TSHZ2: variants seen among roughly 807,000 people sequenced by gnomAD.
TSHZ2 encodes teashirt homolog 2.
In TSHZ2, 21 loss-of-function variants were observed where a neutral mutation model predicts 74.4. The ratio of observed to expected loss-of-function variants is 0.28; its 90% CI spans 0.20 to 0.41. TSHZ2 has a LOEUF of 0.41. TSHZ2 is among the 10% of genes least tolerant of loss of function. The probability of loss-of-function intolerance (pLI) is 1.00; values close to 1 mark genes in which losing one functional copy is unlikely to be tolerated. For missense variants in TSHZ2, 1,244 were observed against 1,293.5 expected (o/e 0.96, Z 0.59); for synonymous variants, 540 against 515.3 (o/e 1.05, Z -0.65).
At chr20:53,431,105 T>G (rs747333367) in intron 2 of TSHZ2, among the ~76,000 whole-genome samples, 20 of 152,234 alleles carry the variant, frequency 1.3e-4, no homozygotes, top group Non-Finnish European at 2.9e-4. Flanking sequence ...GAACATGAGA[T>G]GGACTTGTCC....
At chr20:53,363,580 G>A (rs1169726876) in intron 2 of TSHZ2, among the ~76,000 whole-genome samples, 1 of 152,222 alleles carries the variant, frequency 6.6e-6, no homozygotes, top group Admixed American at 6.5e-5. Context: ...GGGATGCAGA[G>A]GAGATTCATC....
intron 2 of TSHZ2, among the ~76,000 whole-genome samples, chr20:53,271,830 G>A (rs1182980855): frequency 6.6e-6 from 1 of 152,228 alleles, no homozygotes; most frequent in Non-Finnish European, 1.5e-5. Flanking sequence ...AGATGGCAGA[G>A]AGAGGAGGCT....
chr20:53,162,289 G>A (rs1293403), intron 1 of TSHZ2, among the ~76,000 whole-genome samples: 61,890 of 152,012 alleles, frequency 0.41, 13,825 homozygotes, highest in African/African-American at 0.6. Context: ...AATTTGGCCC[G>A]GCCAGGGATG....
chr20:53,117,444 T>G (rs1986700545), intron 1 of TSHZ2, among the ~76,000 whole-genome samples: 1 of 152,216 alleles, frequency 6.6e-6, no homozygotes, highest in Non-Finnish European at 1.5e-5. Flanking sequence ...CAAAAGTACC[T>G]GCCCTTCAGG....
intron 2 of TSHZ2, among the ~76,000 whole-genome samples, chr20:53,470,541 C>T (rs1018248573): frequency 6.6e-5 from 10 of 152,100 alleles, no homozygotes; most frequent in African/African-American, 1.9e-4. Context: ...CTTGGCCGGG[C>T]GCGGTGGCTC....
intron 2 of TSHZ2, among the ~76,000 whole-genome samples, chr20:53,395,830 G>A (rs1182875093): frequency 1.3e-5 from 2 of 152,208 alleles, no homozygotes; most frequent in African/African-American, 4.8e-5. Flanking sequence ...TCAACCTATG[G>A]AATGTTAAAA....
chr20:53,306,811 C>T (rs1978564898), intron 2 of TSHZ2, among the ~76,000 whole-genome samples: 1 of 152,104 alleles, frequency 6.6e-6, no homozygotes, highest in Non-Finnish European at 1.5e-5. Context: ...GTGTGCCAGG[C>T]ACCTCATGAA....
chr20:53,070,869 G>C (rs1433009074), intron 1 of TSHZ2, among the ~76,000 whole-genome samples: 3 of 152,204 alleles, frequency 2.0e-5, no homozygotes, highest in African/African-American at 4.8e-5. Context: ...TCAAGTCACT[G>C]ACTGGAAGAA....
intron 1 of TSHZ2, among the ~76,000 whole-genome samples, chr20:53,092,412 C>T (rs1339188719): frequency 6.6e-6 from 1 of 152,156 alleles, no homozygotes; most frequent in Non-Finnish European, 1.5e-5. Flanking sequence ...TCTCATATTA[C>T]CCGTTGACTG....
rs6126768 is a variant in TSHZ2 at position 53,152,688 on chromosome 20, T to C, written c.41-100811T>C. 6.2e-3 allele frequency among the ~76,000 whole-genome samples: 938 copies of C among 152,318 alleles called. 9 individuals are homozygous for C. Among genetic ancestry groups the C allele is most frequent in the East Asian group, 0.054 (281 of 5,180 alleles). ...TCTGGCCCTCCAACACCTAGAAAGATTTAATGAGTTGATTGACCAATATCA... is the reference window on the plus strand; with the variant it reads ...TCTGGCCCTCCAACACCTAGAAAGACTTAATGAGTTGATTGACCAATATCA... On this transcript the variant is annotated intron_variant, in intron 1 of 2. Transcript: ENST00000371497.
intron 2 of TSHZ2, among the ~76,000 whole-genome samples, chr20:53,330,888 A>T (rs1484956672): frequency 6.6e-6 from 1 of 152,174 alleles, no homozygotes; most frequent in Non-Finnish European, 1.5e-5. Flanking sequence ...ATCCTTCCCC[A>T]CAAGAGCCTG....
intron 1 of TSHZ2, among the ~76,000 whole-genome samples, chr20:53,249,736 TGA>T (rs1424477571): frequency 6.6e-6 from 1 of 152,110 alleles, no homozygotes; most frequent in Non-Finnish European, 1.5e-5. Context: ...CCGTGGGTGA[TGA>T]GAGAGGGGCA....
chr20:53,220,073 A>C (rs1261393857), intron 1 of TSHZ2, among the ~76,000 whole-genome samples: 2 of 152,192 alleles, frequency 1.3e-5, no homozygotes, highest in East Asian at 1.9e-4. Context: ...TTTCCTCTGA[A>C]ATGAAGAACA....
chr20:53,167,812 G>A (rs182501571), intron 1 of TSHZ2, among the ~76,000 whole-genome samples: 16 of 152,242 alleles, frequency 1.1e-4, no homozygotes, highest in African/African-American at 1.9e-4. Flanking sequence ...TACGTCCCCC[G>A]TAGAGTCATG....
intron 1 of TSHZ2, among the ~76,000 whole-genome samples, chr20:53,022,717 C>T (rs912772408): frequency 6.6e-6 from 1 of 152,132 alleles, no homozygotes; most frequent in Non-Finnish European, 1.5e-5. Flanking sequence ...TACGTGTAAT[C>T]GTGTCTCTAA....
At chr20:53,270,866 T>C (rs920733517) in intron 2 of TSHZ2, among the ~76,000 whole-genome samples, 1 of 152,210 alleles carries the variant, frequency 6.6e-6, no homozygotes, top group Admixed American at 6.5e-5. Context: ...CAAATAATTC[T>C]ATTTTTGTTC....
intron 2 of TSHZ2, among the ~76,000 whole-genome samples, chr20:53,408,621 G>A (rs1239020524): frequency 3.9e-5 from 6 of 151,996 alleles, no homozygotes; most frequent in Admixed American, 2.0e-4. Context: ...TGACAGTTGG[G>A]AGGAAAGGGG....
At chr20:53,267,974 C>T (rs1208470445) in intron 2 of TSHZ2, among the ~76,000 whole-genome samples, 2 of 152,170 alleles carry the variant, frequency 1.3e-5, no homozygotes, top group South Asian at 2.1e-4. Flanking sequence ...CTCAAACTCC[C>T]AGCCAGAGCC....
At chr20:53,398,701 CA>C (rs1339428898) in intron 2 of TSHZ2, 3 of 152,168 alleles carry the variant, frequency 2.0e-5, no homozygotes, top group African/African-American at 7.2e-5. Context: ...TGCAGTGAGC[CA>C]TAATTGCACC....
Sources: gnomAD v4.1 joint callset for allele counts (sites outside exome capture counted in the v4.1 genomes callset) on GRCh38, gnomAD v4.1.1 for gene constraint, MANE v1.5 for transcripts, NCBI Gene and HGNC (gene_info 2026-07-23, HGNC 2026-07-21) for gene names.